Variants in PCDHGA4 observed in about 807,000 individuals in gnomAD.
The protein encoded by PCDHGA4 is protocadherin gamma-A4.
Under a neutral mutation model 54.6 loss-of-function variants are expected in PCDHGA4, and 38 were observed. That is an observed-to-expected ratio of 0.70 (90% CI 0.54 to 0.91). The LOEUF (loss-of-function observed/expected upper bound fraction) is 0.91. Among genes scored for constraint, PCDHGA4 ranks in the 40% least tolerant of loss-of-function variants. The pLI, the probability that PCDHGA4 is intolerant of heterozygous loss-of-function variation, is 0.00. For missense variants in PCDHGA4, 1,298 were observed against 1,220.9 expected (o/e 1.06, Z -0.94); for synonymous variants, 511 against 512.9 (o/e 1.00, Z 0.05).
intron 1 of PCDHGA4, among the ~76,000 whole-genome samples, chr5:141,458,890 C>A (rs369529373): frequency 2.0e-5 from 3 of 152,042 alleles, no homozygotes; most frequent in African/African-American, 7.2e-5. Flanking sequence ...GCACACCATG[C>A]GCAGCTAATT....
At chr5:141,375,821 C>A (rs1472171329) in intron 1 of PCDHGA4, 6 of 1,614,074 alleles carry the variant, frequency 3.7e-6, no homozygotes, top group Non-Finnish European at 5.1e-6. Flanking sequence ...GCTGGCGCCC[C>A]GCTCCGCAGA....
intron 1 of PCDHGA4, chr5:141,376,551 C>T: frequency 6.2e-7 from 1 of 1,611,758 alleles, no homozygotes; most frequent in South Asian, 1.1e-5. Flanking sequence ...TCTGATCTTC[C>T]CGCAACCCAA....
intron 1 of PCDHGA4, chr5:141,479,290 T>C (rs1045200175): frequency 1.3e-5 from 2 of 152,438 alleles, no homozygotes; most frequent in Non-Finnish European, 2.9e-5. Flanking sequence ...AAAATAAATC[T>C]AGGCAACCCA....
intron 1 of PCDHGA4, among the ~76,000 whole-genome samples, chr5:141,460,889 G>A (rs901987902): frequency 3.3e-5 from 5 of 150,280 alleles, no homozygotes; most frequent in East Asian, 3.9e-4. Flanking sequence ...ATGCCTTTTC[G>A]TGGCTGAGTA....
In PCDHGA4 at chr5:141,357,316, G is replaced by A. The variant is rs758354244; in HGVS notation, c.2209G>A (p.Ala737Thr). ...GGCCGCTGTCTCCTGCGTCTTCCTGGCTTTTGTCACGGTGCTGCTAGCACT... is the reference window on the plus strand; with the variant it reads ...GGCCGCTGTCTCCTGCGTCTTCCTGACTTTTGTCACGGTGCTGCTAGCACT... The part of the protein sequence containing the change: ...AVAAVSCVFL[A>T]FVTVLLALKL... Residue 737 changes from alanine (A) to threonine (T), a missense_variant, in exon 1 of 4, where the codon GCT (alanine) becomes ACT (threonine). Coordinates refer to ENST00000571252, the MANE Select transcript of PCDHGA4 (RefSeq NM_018917.4). The A allele has an allele frequency of 6.2e-7, 1 of 1,614,060 alleles. No homozygotes were observed. Among genetic ancestry groups the A allele is most frequent in the Admixed American group, 1.7e-5 (1 of 60,022 alleles).
intron 2 of PCDHGA4, among the ~76,000 whole-genome samples, chr5:141,500,184 TTTTATTTA>T (rs58019021): frequency 0.099 from 13,469 of 135,812 alleles, 757 homozygotes; most frequent in African/African-American, 0.15. Context: ...TCATTTTTAT[TTTTATTTA>T]TTTATTTATT....
intron 1 of PCDHGA4, chr5:141,389,322 G>A: frequency 6.2e-7 from 1 of 1,613,984 alleles, no homozygotes; most frequent in East Asian, 2.2e-5. Flanking sequence ...TCCGGACTTG[G>A]GGCCCAACGG....
intron 1 of PCDHGA4, chr5:141,362,032 G>A (rs909384005): frequency 4.3e-6 from 7 of 1,609,448 alleles, no homozygotes; most frequent in Non-Finnish European, 5.9e-6. Flanking sequence ...GCGTGCCTTG[G>A]GCGACAGGGA....
chr5:141,447,048 A>T (rs149112101), intron 1 of PCDHGA4, among the ~76,000 whole-genome samples: 1 of 152,066 alleles, frequency 6.6e-6, no homozygotes, highest in Non-Finnish European at 1.5e-5. Flanking sequence ...CTGGAATTCT[A>T]TTAAAATGTG....
Position 141,487,401 on chromosome 5 carries a change from T to C in PCDHGA4, c.2515-7406T>C, listed in dbSNP as rs2099644244. The C allele has an allele frequency of 6.2e-7, 1 of 1,614,134 alleles. No individual in the cohort carries two copies. The highest frequency in any genetic ancestry group is 1.3e-5 in the African/African-American group (1 of 75,046). On this transcript the variant is annotated intron_variant, in intron 1 of 3. Transcript: ENST00000571252. This position sits in a 1 kb window ranked among gnomAD's most constrained non-coding sequence, Gnocchi z 5.0. ...ACCAGATCTCGAAGGAGGGAGGGGCTTCCCCCTTCCAATGGGATCCTCCGA... is the reference window on the plus strand; with the variant it reads ...ACCAGATCTCGAAGGAGGGAGGGGCCTCCCCCTTCCAATGGGATCCTCCGA...
At chr5:141,372,615 C>A (rs1244865693) in intron 1 of PCDHGA4, 1 of 1,613,850 alleles carries the variant, frequency 6.2e-7, no homozygotes, top group African/African-American at 1.3e-5. Context: ...TGGAGTTCTC[C>A]CCACCTACAG....
At chr5:141,393,405 C>G (rs777100284) in intron 1 of PCDHGA4, 1 of 1,613,914 alleles carries the variant, frequency 6.2e-7, no homozygotes, top group Admixed American at 1.7e-5. Flanking sequence ...GGTGCTGGAG[C>G]GCGCCCTGGA....
chr5:141,507,196 CCAGAT>C (rs2099859095), intron 3 of PCDHGA4: 1 of 152,374 alleles, frequency 6.6e-6, no homozygotes, highest in Non-Finnish European at 1.5e-5. Context: ...CTTTATTCTT[CCAGAT>C]CAGGGTTGCC....
At chr5:141,409,870 T>C in intron 1 of PCDHGA4, 1 of 1,612,788 alleles carries the variant, frequency 6.2e-7, no homozygotes, top group Non-Finnish European at 8.5e-7. Flanking sequence ...GAGACCGCAA[T>C]GACAACGCAC....
intron 1 of PCDHGA4, chr5:141,375,888 C>T (rs1049224011): frequency 6.2e-7 from 1 of 1,613,700 alleles, no homozygotes; most frequent in Non-Finnish European, 8.5e-7. Flanking sequence ...GGCCAGAACG[C>T]CTGGCTGTCC....
chr5:141,385,529 T>G (rs568078652), intron 1 of PCDHGA4: 1 of 1,354,768 alleles, frequency 7.4e-7, no homozygotes, highest in South Asian at 2.0e-5. Context: ...TGGACAAGAT[T>G]ATGAATATGT....
chr5:141,429,592 T>C (rs2097226711), intron 1 of PCDHGA4, among the ~76,000 whole-genome samples: 1 of 152,234 alleles, frequency 6.6e-6, no homozygotes, highest in Non-Finnish European at 1.5e-5. Flanking sequence ...ATTCTTGTAA[T>C]TCAAGTAAAC....
At position 141,399,354 on chromosome 5, in the gene PCDHGA4, G is replaced by A. The variant is rs559321354; in HGVS notation, c.2514+41733G>A. The A allele has an allele frequency of 3.7e-6, 6 of 1,614,008 alleles. No homozygotes were observed. The Admixed American group carries it at 1.0e-4, about 27-fold the overall frequency. On this transcript the variant is annotated intron_variant, in intron 1 of 3. Coordinates refer to ENST00000571252, the MANE Select transcript of PCDHGA4 (RefSeq NM_018917.4). ...TAACAGATGGAACCCTAGACCGAGA[G>A]CAAACCCCGGAGTACAATGTCACCA...
chr5:141,480,265 A>G (rs1041908141), intron 1 of PCDHGA4, among the ~76,000 whole-genome samples: 2 of 151,784 alleles, frequency 1.3e-5, no homozygotes, highest in African/African-American at 2.4e-5. Context: ...ATGTGTTTTC[A>G]TTAGCTGGGT....
Sources: gnomAD v4.1 joint callset for allele counts (sites outside exome capture counted in the v4.1 genomes callset) on GRCh38, gnomAD v4.1.1 for gene constraint, Gnocchi (gnomAD v3.1) non-coding constraint, MANE v1.5 for transcripts, NCBI Gene and HGNC (gene_info 2026-07-23, HGNC 2026-07-21) for gene names.